The following THSD7B variants were observed in gnomAD, a reference collection of about 807,000 sequenced individuals.
THSD7B encodes thrombospondin type 1 domain containing 7B.
A neutral mutation model predicts 213.6 loss-of-function variants in THSD7B; 138 were observed. The ratio of observed to expected loss-of-function variants is 0.65; its 90% CI spans 0.56 to 0.74. THSD7B has a LOEUF of 0.74. Ranked by LOEUF, THSD7B falls within the 30% of genes least tolerant of loss-of-function variation. The probability of loss-of-function intolerance (pLI) is 0.00; values close to 1 mark genes in which losing one functional copy is unlikely to be tolerated. For synonymous variants in THSD7B, 742 were observed against 687.0 expected (o/e 1.08, Z -1.25); for missense variants, 1,931 against 1,991.5 (o/e 0.97, Z 0.58).
intron 15 of THSD7B, among the ~76,000 whole-genome samples, chr2:137,499,344 C>T (rs1370821825): frequency 6.6e-6 from 1 of 152,034 alleles, no homozygotes; most frequent in East Asian, 1.9e-4. Flanking sequence ...TTTTGTGAAA[C>T]TTTAAATATA....
chr2:136,900,660 C>T (rs757611172), intron 2 of THSD7B, among the ~76,000 whole-genome samples: 7 of 152,122 alleles, frequency 4.6e-5, no homozygotes, highest in Non-Finnish European at 1.0e-4. Flanking sequence ...CACTATTTTG[C>T]ACAAATGTCT....
intron 17 of THSD7B, among the ~76,000 whole-genome samples, chr2:137,614,000 T>A (rs372773213): frequency 1.4e-4 from 21 of 152,272 alleles, no homozygotes; most frequent in African/African-American, 4.8e-4. Context: ...TTTTATAAGA[T>A]GAAGTGTGAA....
intron 2 of THSD7B, among the ~76,000 whole-genome samples, chr2:137,020,359 A>G (rs1686420001): frequency 6.6e-6 from 1 of 152,194 alleles, no homozygotes; most frequent in Non-Finnish European, 1.5e-5. Flanking sequence ...CCTGAATGCT[A>G]GACTGAGAGA....
chr2:137,054,366 C>T (rs1687121728), intron 2 of THSD7B, among the ~76,000 whole-genome samples: 2 of 152,190 alleles, frequency 1.3e-5, no homozygotes, highest in South Asian at 4.1e-4. Flanking sequence ...AAGGCATTGA[C>T]ATGCTATTGC....
chr2:137,431,222 G>A (rs538007139), intron 14 of THSD7B, among the ~76,000 whole-genome samples: 17 of 152,152 alleles, frequency 1.1e-4, no homozygotes, highest in Non-Finnish European at 2.1e-4. Flanking sequence ...TCAAAGCAGG[G>A]GGAGGGGGTT....
At chr2:137,246,565 T>C (rs1266031867) in intron 10 of THSD7B, among the ~76,000 whole-genome samples, 1 of 152,150 alleles carries the variant, frequency 6.6e-6, no homozygotes. Flanking sequence ...AACATAAAGG[T>C]ATTTTCAAGC....
At chr2:137,075,393 C>T (rs1271975397) in intron 3 of THSD7B, among the ~76,000 whole-genome samples, 3 of 152,182 alleles carry the variant, frequency 2.0e-5, no homozygotes, top group Admixed American at 2.0e-4. Flanking sequence ...ACTGAGGCTT[C>T]TGCATTCATC....
intron 1 of THSD7B, among the ~76,000 whole-genome samples, chr2:136,818,494 A>G (rs942560064): frequency 3.3e-5 from 5 of 151,804 alleles, no homozygotes; most frequent in African/African-American, 9.7e-5. Flanking sequence ...ACATGTATAC[A>G]TATGTAACTA....
Position 136,982,592 on chromosome 2 carries a change from G to A in THSD7B, c.140-73828G>A, listed in dbSNP as rs560777646. Reference sequence around the variant, plus strand: ...ATAAGACAAAACTTTTTAAAGCCTCGTGAGTAAAATGTGGAATTGTCTTGG... The same window carrying A: ...ATAAGACAAAACTTTTTAAAGCCTCATGAGTAAAATGTGGAATTGTCTTGG... On this transcript the variant is annotated intron_variant, in intron 2 of 27. Transcript: ENST00000409968. 3.3e-5 allele frequency among the ~76,000 whole-genome samples: 5 copies of A among 152,242 alleles called. No homozygotes were observed. In the South Asian group the frequency reaches 8.3e-4, roughly 25 times the overall value.
At chr2:136,812,913 T>A (rs939350100) in intron 1 of THSD7B, among the ~76,000 whole-genome samples, 7 of 152,198 alleles carry the variant, frequency 4.6e-5, no homozygotes, top group African/African-American at 1.7e-4. Context: ...TTTTTGCAAG[T>A]TCATATAAGT....
chr2:136,954,642 G>A (rs978905576), intron 2 of THSD7B, among the ~76,000 whole-genome samples: 3 of 150,948 alleles, frequency 2.0e-5, no homozygotes, highest in Admixed American at 6.6e-5. Context: ...TGTGAACCCC[G>A]GGGAGCGGAG....
At chr2:136,822,993 A>G (rs781780715) in intron 1 of THSD7B, among the ~76,000 whole-genome samples, 13 of 152,234 alleles carry the variant, frequency 8.5e-5, no homozygotes, top group South Asian at 2.1e-4. Context: ...TTGGAGTTTA[A>G]TTACAAGACA....
chr2:137,009,248 A>G (rs1275203405), intron 2 of THSD7B, among the ~76,000 whole-genome samples: 2 of 151,952 alleles, frequency 1.3e-5, no homozygotes, highest in African/African-American at 4.8e-5. Context: ...ATCATATACT[A>G]TTGTCGTTAT....
intron 2 of THSD7B, among the ~76,000 whole-genome samples, chr2:136,885,330 G>T (rs1308076660): frequency 1.3e-5 from 2 of 151,408 alleles, no homozygotes; most frequent in African/African-American, 4.9e-5. Context: ...CCTGGCTTTG[G>T]AAAAACAATG....
intron 1 of THSD7B, among the ~76,000 whole-genome samples, chr2:136,860,930 T>C (rs1214884154): frequency 2.0e-5 from 3 of 152,232 alleles, no homozygotes; most frequent in African/African-American, 7.2e-5. Flanking sequence ...CTCACTGGCT[T>C]CAGTGCCTCA....
At chr2:136,913,706 T>C (rs1211136744) in intron 2 of THSD7B, among the ~76,000 whole-genome samples, 1 of 152,184 alleles carries the variant, frequency 6.6e-6, no homozygotes, top group East Asian at 1.9e-4. Context: ...GCAACTTCCA[T>C]GTGGTATCAA....
chr2:137,550,678 T>TA (rs1680829283), intron 15 of THSD7B, among the ~76,000 whole-genome samples: 1 of 152,066 alleles, frequency 6.6e-6, no homozygotes, highest in African/African-American at 2.4e-5. Flanking sequence ...ATGCATGGCT[T>TA]ACGACTGCAT....
chr2:137,164,950 G>A (rs1376338159), intron 6 of THSD7B, among the ~76,000 whole-genome samples: 1 of 152,076 alleles, frequency 6.6e-6, no homozygotes, highest in Non-Finnish European at 1.5e-5. Flanking sequence ...AATGGGTGCA[G>A]CCCACCAACA....
intron 20 of THSD7B, among the ~76,000 whole-genome samples, chr2:137,637,552 T>C (rs1443764308): frequency 3.3e-5 from 5 of 152,244 alleles, no homozygotes; most frequent in Non-Finnish European, 5.9e-5. Flanking sequence ...TCATAGGCAT[T>C]GTTTGGAAAT....
Sources: allele counts gnomAD v4.1 joint callset (sites outside exome capture counted in the v4.1 genomes callset), GRCh38; gene constraint gnomAD v4.1.1; transcripts MANE v1.5; gene names NCBI Gene and HGNC (gene_info 2026-07-23, HGNC 2026-07-21).